GPC6: variants seen among roughly 807,000 people sequenced by gnomAD.
The protein encoded by GPC6 is glypican-6.
GPC6 carries 14 observed loss-of-function variants against 55.2 expected under a neutral mutation model. That is an observed-to-expected ratio of 0.25 (90% CI 0.17 to 0.40). GPC6 has a LOEUF of 0.40. Among genes scored for constraint, GPC6 ranks in the 10% least tolerant of loss-of-function variants. The pLI is 1.00. For missense variants in GPC6, 641 were observed against 708.5 expected, an observed-to-expected ratio of 0.90 and a Z score of 1.08; for synonymous variants, 278 against 259.6, an observed-to-expected ratio of 1.07 and a Z score of -0.68.
chr13:93,833,095 A>G (rs1017555171), intron 3 of GPC6, among the ~76,000 whole-genome samples: 1 of 140,050 alleles, frequency 7.1e-6, no homozygotes, highest in Non-Finnish European at 1.5e-5. Context: ...GGATGGGTAG[A>G]TAGGTAGATG....
intron 2 of GPC6, among the ~76,000 whole-genome samples, chr13:93,583,541 C>T (rs1191816233): frequency 5.9e-5 from 9 of 152,108 alleles, no homozygotes; most frequent in Non-Finnish European, 1.2e-4. Context: ...GACTCAGCCT[C>T]CTGAGTAGTT....
chr13:93,444,195 CTTTTTT>C (rs10659977), intron 1 of GPC6, among the ~76,000 whole-genome samples: 18 of 110,704 alleles, frequency 1.6e-4, no homozygotes, highest in Admixed American at 4.8e-4. Context: ...TGCAATTCTT[CTTTTTT>C]TTTTTTTTTT....
intron 6 of GPC6, among the ~76,000 whole-genome samples, chr13:94,313,023 TC>T (rs2139120349): frequency 6.6e-6 from 1 of 152,316 alleles, no homozygotes; most frequent in East Asian, 1.9e-4. Context: ...AGTTTCATTT[TC>T]AATGAACCCT....
At chr13:93,462,987 C>G (rs1303159014) in intron 1 of GPC6, among the ~76,000 whole-genome samples, 3 of 152,110 alleles carry the variant, frequency 2.0e-5, no homozygotes, top group African/African-American at 7.2e-5. Context: ...AGACATAGGA[C>G]AGTTTGTGTA....
chr13:94,019,816 A>G (rs951414931), intron 3 of GPC6, among the ~76,000 whole-genome samples: 6 of 152,232 alleles, frequency 3.9e-5, no homozygotes, highest in African/African-American at 1.2e-4. Flanking sequence ...ACAACTGTTC[A>G]TAGCATTTTT....
intron 3 of GPC6, among the ~76,000 whole-genome samples, chr13:93,864,090 T>C (rs1888892264): frequency 6.6e-6 from 1 of 151,714 alleles, no homozygotes; most frequent in Non-Finnish European, 1.5e-5. Flanking sequence ...TCTTGTATTT[T>C]GGATATACCA....
intron 2 of GPC6, among the ~76,000 whole-genome samples, chr13:93,668,294 G>A (rs1261357384): frequency 6.6e-6 from 1 of 152,140 alleles, no homozygotes; most frequent in Admixed American, 6.6e-5. Context: ...TAGCCAAAAT[G>A]TTCCTTTAAT....
At chr13:93,860,348 T>G (rs1371200980) in intron 3 of GPC6, among the ~76,000 whole-genome samples, 1 of 151,666 alleles carries the variant, frequency 6.6e-6, no homozygotes, top group East Asian at 2.0e-4. Flanking sequence ...AATACTTTCA[T>G]GCATTTTTTT....
intron 6 of GPC6, among the ~76,000 whole-genome samples, chr13:94,335,386 G>A (rs1315074957): frequency 1.3e-5 from 2 of 152,132 alleles, no homozygotes; most frequent in African/African-American, 2.4e-5. Context: ...GCCACACTGG[G>A]TGGTACACCT....
chr13:93,668,720 A>G (rs941784802), intron 2 of GPC6, among the ~76,000 whole-genome samples: 6 of 152,162 alleles, frequency 3.9e-5, no homozygotes, highest in Non-Finnish European at 5.9e-5. Context: ...CTTCCCTAAG[A>G]GCCTCCTGAG....
intron 1 of GPC6, among the ~76,000 whole-genome samples, chr13:93,319,328 A>G (rs1879349929): frequency 6.6e-6 from 1 of 152,188 alleles, no homozygotes; most frequent in Admixed American, 6.6e-5. Flanking sequence ...TCTGACAAGA[A>G]ATAAATAGGC....
intron 2 of GPC6, among the ~76,000 whole-genome samples, chr13:93,723,842 A>T (rs1394515912): frequency 2.6e-5 from 4 of 152,030 alleles, no homozygotes; most frequent in African/African-American, 9.7e-5. Context: ...ATGTGTATTT[A>T]GTTCAAAAAA....
At chr13:94,019,784 T>C (rs963171968) in intron 3 of GPC6, among the ~76,000 whole-genome samples, 11 of 152,226 alleles carry the variant, frequency 7.2e-5, no homozygotes, top group Non-Finnish European at 1.2e-4. Context: ...TTGTCAGGAT[T>C]CTATTTAATC....
At chr13:93,854,482 T>A (rs1047912338) in intron 3 of GPC6, among the ~76,000 whole-genome samples, 3 of 151,784 alleles carry the variant, frequency 2.0e-5, no homozygotes, top group Non-Finnish European at 4.4e-5. Context: ...TGAGCTTACA[T>A]GTTATATTTT....
intron 4 of GPC6, among the ~76,000 whole-genome samples, chr13:94,044,990 T>A (rs148193504): frequency 0.019 from 2,919 of 151,958 alleles, 38 homozygotes; most frequent in Non-Finnish European, 0.028. Flanking sequence ...GGGCTAAATA[T>A]AAGAGTGAGA....
intron 1 of GPC6, among the ~76,000 whole-genome samples, chr13:93,333,474 T>G (rs1329006554): frequency 6.6e-6 from 1 of 152,102 alleles, no homozygotes; most frequent in Non-Finnish European, 1.5e-5. Flanking sequence ...TAAATGGGAT[T>G]GCTTTTCTGA....
intron 2 of GPC6, among the ~76,000 whole-genome samples, chr13:93,772,516 A>C (rs1885335506): frequency 6.6e-6 from 1 of 152,090 alleles, no homozygotes; most frequent in South Asian, 2.1e-4. Context: ...GCAGAGAGGC[A>C]TCATTGAGAG....
intron 2 of GPC6, among the ~76,000 whole-genome samples, chr13:93,621,114 G>A (rs1266851457): frequency 6.6e-6 from 1 of 152,144 alleles, no homozygotes; most frequent in Non-Finnish European, 1.5e-5. Flanking sequence ...AACACTATGG[G>A]TGCAGGGGAA....
chr13:94,107,963 A>G (rs913645113), intron 4 of GPC6, among the ~76,000 whole-genome samples: 2 of 152,200 alleles, frequency 1.3e-5, no homozygotes, highest in Non-Finnish European at 2.9e-5. Flanking sequence ...TACAGCCACT[A>G]TGGAAAACAG....
Sources: allele counts gnomAD v4.1 joint callset (sites outside exome capture counted in the v4.1 genomes callset), GRCh38; gene constraint gnomAD v4.1.1; transcripts MANE v1.5; gene names NCBI Gene and HGNC (gene_info 2026-07-23, HGNC 2026-07-21).